Variants in GRM1 observed in about 807,000 individuals in gnomAD.
GRM1 encodes metabotropic glutamate receptor 1.
Under a neutral mutation model 90.9 loss-of-function variants are expected in GRM1, and 33 were observed. That is an observed-to-expected ratio of 0.36 (90% confidence interval 0.28 to 0.49). The LOEUF (loss-of-function observed/expected upper bound fraction) is 0.49, where lower values mean the gene tolerates loss of function less well. GRM1 is among the 20% of genes least tolerant of loss of function. The pLI is 0.99. For synonymous variants in GRM1, 700 were observed against 613.2 expected (o/e 1.14, Z -2.09); for missense variants, 1,190 against 1,534.3 (o/e 0.78, Z 3.75).
chr6:146,382,100 T>G (rs1315149343), intron 5 of GRM1, among the ~76,000 whole-genome samples: 1 of 152,172 alleles, frequency 6.6e-6, no homozygotes, highest in Non-Finnish European at 1.5e-5. Flanking sequence ...AAAGCCTTAG[T>G]CCTTCCAGGG....
intron 1 of GRM1, among the ~76,000 whole-genome samples, chr6:146,051,954 A>T (rs1247129259): frequency 1.3e-5 from 2 of 152,074 alleles, no homozygotes; most frequent in East Asian, 3.9e-4. Context: ...TGTCAACAAG[A>T]TCATAAGGCT....
intron 1 of GRM1, among the ~76,000 whole-genome samples, chr6:146,068,007 A>C: frequency 6.6e-6 from 1 of 152,218 alleles, no homozygotes. Context: ...TGCGCTTTGC[A>C]TTTTAAAAGG....
chr6:146,298,240 A>T (rs113813126), intron 2 of GRM1, among the ~76,000 whole-genome samples: 25 of 152,228 alleles, frequency 1.6e-4, no homozygotes, highest in Non-Finnish European at 3.2e-4. Flanking sequence ...TGAGGGTCAG[A>T]CTATCTATGG....
chr6:146,065,177 AAC>A (rs1420442484), intron 1 of GRM1, among the ~76,000 whole-genome samples: 6 of 152,186 alleles, frequency 3.9e-5, no homozygotes, highest in Non-Finnish European at 7.3e-5. Flanking sequence ...CCCTGTAAAA[AAC>A]ATATTCAAAA....
intron 2 of GRM1, among the ~76,000 whole-genome samples, chr6:146,165,895 T>C (rs144267567): frequency 6.6e-6 from 1 of 152,234 alleles, no homozygotes; most frequent in Non-Finnish European, 1.5e-5. Context: ...TATAAACCCT[T>C]CCTATATTCT....
intron 5 of GRM1, among the ~76,000 whole-genome samples, chr6:146,378,820 T>A (rs1776208686): frequency 6.6e-6 from 1 of 151,898 alleles, no homozygotes; most frequent in Non-Finnish European, 1.5e-5. Flanking sequence ...GCCAGGGAGG[T>A]AATTGAATCA....
intron 2 of GRM1, among the ~76,000 whole-genome samples, chr6:146,225,798 GT>G (rs777203806): frequency 3.0e-4 from 45 of 152,050 alleles, no homozygotes; most frequent in Non-Finnish European, 5.7e-4. Context: ...GAAATTTTAT[GT>G]AATTAAGTTA....
At chr6:146,087,378 A>C (rs1776581241) in intron 1 of GRM1, among the ~76,000 whole-genome samples, 1 of 152,162 alleles carries the variant, frequency 6.6e-6, no homozygotes, top group South Asian at 2.1e-4. Flanking sequence ...AAACCAGGAA[A>C]CTAACATTGG....
chr6:146,123,388 G>A (rs550423043), intron 1 of GRM1, among the ~76,000 whole-genome samples: 1 of 152,244 alleles, frequency 6.6e-6, no homozygotes, highest in Non-Finnish European at 1.5e-5. Flanking sequence ...GTTTGGACCA[G>A]GCAAACCTTC....
At chr6:146,086,108 T>C (rs567154538) in intron 1 of GRM1, among the ~76,000 whole-genome samples, 4 of 152,252 alleles carry the variant, frequency 2.6e-5, no homozygotes, top group Admixed American at 1.3e-4. Flanking sequence ...TTATTAGATT[T>C]GAAAGGAGCC....
chr6:146,125,408 C>G (rs1013677569), intron 1 of GRM1, among the ~76,000 whole-genome samples: 1 of 151,594 alleles, frequency 6.6e-6, no homozygotes, highest in South Asian at 2.1e-4. Context: ...GATATTTTTT[C>G]CTCCTCCCTT....
At chr6:146,356,265 A>G (rs1441777523) in intron 4 of GRM1, among the ~76,000 whole-genome samples, 5 of 152,342 alleles carry the variant, frequency 3.3e-5, no homozygotes, top group African/African-American at 1.2e-4. Flanking sequence ...GCAAAATATC[A>G]TAAACTGTAT....
intron 1 of GRM1, among the ~76,000 whole-genome samples, chr6:146,109,171 G>A (rs1319476260): frequency 6.6e-6 from 1 of 152,170 alleles, no homozygotes; most frequent in East Asian, 1.9e-4. Flanking sequence ...CAAGACAATG[G>A]GGAAAATGTC....
chr6:146,235,030 CT>C (rs922737326), intron 2 of GRM1, among the ~76,000 whole-genome samples: 1 of 152,200 alleles, frequency 6.6e-6, no homozygotes, highest in Non-Finnish European at 1.5e-5. Flanking sequence ...GCCACTGCCC[CT>C]GGCCATTTAT....
At chr6:146,033,734 G>C (rs944377217) in intron 1 of GRM1, among the ~76,000 whole-genome samples, 1 of 151,476 alleles carries the variant, frequency 6.6e-6, no homozygotes, top group African/African-American at 2.4e-5. Context: ...ATATAAAATT[G>C]GCCTTTTTGA....
intron 1 of GRM1, among the ~76,000 whole-genome samples, chr6:146,035,166 T>C (rs1295335178): frequency 6.6e-6 from 1 of 151,886 alleles, no homozygotes; most frequent in Non-Finnish European, 1.5e-5. Context: ...GATTTGCTTA[T>C]CTGGAGGAAA....
intron 2 of GRM1, among the ~76,000 whole-genome samples, chr6:146,160,919 A>G (rs937713126): frequency 1.3e-5 from 2 of 152,216 alleles, no homozygotes; most frequent in African/African-American, 2.4e-5. Context: ...CACAGAGTCA[A>G]CTTGGCGTCT....
chr6:146,159,262 C>T (rs1777625502), intron 1 of GRM1, 86 bp from the exon 2 acceptor site: 1 of 1,536,804 alleles, frequency 6.5e-7, no homozygotes. Flanking sequence ...TCTCTCCATT[C>T]CTGTGACTAA....
intron 2 of GRM1, among the ~76,000 whole-genome samples, chr6:146,246,218 C>G (rs1446968833): frequency 6.6e-6 from 1 of 152,202 alleles, no homozygotes; most frequent in Non-Finnish European, 1.5e-5. Flanking sequence ...CCTTCAACAA[C>G]TTAGCAACAG....
Sources: gnomAD v4.1 joint callset for allele counts (sites outside exome capture counted in the v4.1 genomes callset) on GRCh38, gnomAD v4.1.1 for gene constraint, MANE v1.5 for transcripts, NCBI Gene and HGNC (gene_info 2026-07-23, HGNC 2026-07-21) for gene names.